The following HMGCS2 variants were observed in gnomAD, a reference collection of about 807,000 sequenced individuals.
HMGCS2 encodes hydroxymethylglutaryl-CoA synthase, mitochondrial.
HMGCS2 carries 50 observed loss-of-function variants against 57.4 expected under a neutral mutation model. The observed-to-expected ratio is 0.87, with a 90% confidence interval of 0.69 to 1.10. The LOEUF (loss-of-function observed/expected upper bound fraction) is 1.10, where lower values mean the gene tolerates loss of function less well. Ranked by LOEUF, HMGCS2 falls within the 50% of genes least tolerant of loss-of-function variation. The pLI, the probability that HMGCS2 is intolerant of heterozygous loss-of-function variation, is 0.00. For synonymous variants in HMGCS2, 254 were observed against 245.1 expected, an observed-to-expected ratio of 1.04 and a Z score of -0.34; for missense variants, 627 against 636.5, an observed-to-expected ratio of 0.99 and a Z score of 0.16.
chr1:119,765,541 T>C (rs1158430851), intron 1 of HMGCS2, among the ~76,000 whole-genome samples: 1 of 152,252 alleles, frequency 6.6e-6, no homozygotes, highest in Non-Finnish European at 1.5e-5. Context: ...TTAAAGATTA[T>C]AACATGCATA....
intron 2 of HMGCS2, among the ~76,000 whole-genome samples, chr1:119,761,363 A>G (rs1307875104): frequency 6.6e-6 from 1 of 152,048 alleles, no homozygotes; most frequent in African/African-American, 2.4e-5. Flanking sequence ...ATTATCTAAA[A>G]ATCAAAGCCT....
intron 2 of HMGCS2, among the ~76,000 whole-genome samples, chr1:119,762,471 A>T (rs1472496743): frequency 6.6e-6 from 1 of 151,388 alleles, no homozygotes; most frequent in Non-Finnish European, 1.5e-5. Context: ...ACAAGAAAAC[A>T]TGGGGACTCC....
chr1:119,750,768 T>C (rs200010260), intron 9 of HMGCS2, 29 bp downstream of exon 9: 1 of 1,418,912 alleles, frequency 7.0e-7, no homozygotes, highest in South Asian at 1.1e-5. Flanking sequence ...TAGGGTTTTA[T>C]GCCACCAACT....
chr1:119,750,839 T>C lies in HMGCS2; in HGVS notation c.1490A>G (p.Glu497Gly), dbSNP rs1486025242. ...PGTWYLERVD[E>G]QHRRKYARRP... The stretch of plus-strand genomic sequence containing the variant: ...CCGGGCATACTTTCGGCGATGCTGC[T>C]CGTCCACTCGCTCCAGGTACCAAGT... The change falls in exon 9 of 10, where the codon GAG becomes GGG. Residue 497 changes from glutamate (E) to glycine (G), a missense_variant. Glu to Gly is a moderately conservative substitution (Grantham distance 98, BLOSUM62 -2). Transcript: ENST00000369406. 5 of 1,613,954 alleles carry C rather than the reference T, an allele frequency of 3.1e-6. No homozygotes were observed. The highest frequency in any genetic ancestry group is 1.3e-5 in the African/African-American group (1 of 74,924).
chr1:119,752,055 T>A (rs988576409), intron 8 of HMGCS2, among the ~76,000 whole-genome samples: 2 of 152,214 alleles, frequency 1.3e-5, no homozygotes, highest in African/African-American at 4.8e-5. Context: ...GAGGGGACAG[T>A]AATATTTGTC....
intron 3 of HMGCS2, 31 bp from the exon 4 acceptor site, chr1:119,759,313 T>A: frequency 6.2e-7 from 1 of 1,606,018 alleles, no homozygotes; most frequent in South Asian, 1.1e-5. Context: ...TTTCAGAGAC[T>A]ACACAATGCA....
Position 119,755,447 on chromosome 1 carries a change from G to A in HMGCS2, c.1167C>T (p.Cys389=). The change falls in exon 6 of 10, where the codon TGC becomes TGT. Residue 389 remains cysteine (C), a synonymous_variant. Transcript: ENST00000369406. ...GNMYTSSLYG[C]LASLLSHHSA... ...CTCACTGGGACAGAAGCGAGGCCAGGCACCCGTACAGGGATGAGGTGTACA... is the reference window on the plus strand; with the variant it reads ...CTCACTGGGACAGAAGCGAGGCCAGACACCCGTACAGGGATGAGGTGTACA... 6.2e-7 allele frequency: 1 copy of A among 1,614,188 alleles called. No individual in the cohort carries two copies. Among genetic ancestry groups the A allele is most frequent in the Admixed American group, 1.7e-5 (1 of 60,022 alleles).
intron 4 of HMGCS2, among the ~76,000 whole-genome samples, 169 bp from the exon 5 acceptor site, chr1:119,757,607 G>A (rs768981001): frequency 2.4e-4 from 36 of 152,226 alleles, no homozygotes; most frequent in African/African-American, 7.9e-4. Flanking sequence ...CACTTACTAA[G>A]CAATCTCTAC....
At chr1:119,750,690 A>G (rs1652624818) in intron 9 of HMGCS2, 107 bp downstream of exon 9, 1 of 742,778 alleles carries the variant, frequency 1.3e-6, no homozygotes, top group East Asian at 2.7e-5. Flanking sequence ...ATCCTCTTCC[A>G]TTAAACTTTC....
At chr1:119,759,686 C>T (rs1007862423) in intron 3 of HMGCS2, among the ~76,000 whole-genome samples, 178 bp downstream of exon 3, 2 of 152,202 alleles carry the variant, frequency 1.3e-5, no homozygotes, top group African/African-American at 4.8e-5. Flanking sequence ...CTCGCGGATT[C>T]CCCTCTCCCA....
At chr1:119,760,993 G>A (rs772418929) in intron 2 of HMGCS2, among the ~76,000 whole-genome samples, 89 of 151,706 alleles carry the variant, frequency 5.9e-4, no homozygotes, top group South Asian at 1.0e-3. Context: ...TGAAATCCAG[G>A]GACCTTCTCT....
chr1:119,755,997 C>T (rs1355048726), intron 5 of HMGCS2, among the ~76,000 whole-genome samples: 2 of 152,156 alleles, frequency 1.3e-5, no homozygotes, highest in African/African-American at 4.8e-5. Flanking sequence ...AACCCATCTT[C>T]CTGCTCCTGT....
chr1:119,750,996 A>G, intron 8 of HMGCS2, 88 bp from the exon 9 acceptor site: 1 of 806,144 alleles, frequency 1.2e-6, no homozygotes, highest in South Asian at 1.4e-5. Context: ...CTGCCCCTTC[A>G]CAGTGAAGCT....
At chr1:119,765,953 A>T (rs1653212368) in intron 1 of HMGCS2, among the ~76,000 whole-genome samples, 1 of 152,228 alleles carries the variant, frequency 6.6e-6, no homozygotes. Flanking sequence ...AGAAGCAGAC[A>T]TTTTACAGCT....
chr1:119,759,093 A>G, intron 4 of HMGCS2, 25 bp downstream of exon 4: 3 of 1,613,566 alleles, frequency 1.9e-6, no homozygotes, highest in Non-Finnish European at 2.5e-6. Flanking sequence ...TAGAGCCCCC[A>G]CTTTCTGCCC....
chr1:119,754,930 T>G (rs1652785920), intron 6 of HMGCS2, among the ~76,000 whole-genome samples: 2 of 152,262 alleles, frequency 1.3e-5, no homozygotes, highest in Admixed American at 1.3e-4. Flanking sequence ...TGATACAGAC[T>G]GTAAATCTGC....
intron 2 of HMGCS2, 145 bp downstream of exon 2, chr1:119,764,027 A>G: frequency 1.4e-6 from 1 of 714,580 alleles, no homozygotes; most frequent in South Asian, 1.6e-5. Flanking sequence ...CTAAGTGGTT[A>G]TTGTGGGATG....
intron 9 of HMGCS2, among the ~76,000 whole-genome samples, chr1:119,749,885 A>C (rs1479756631): frequency 6.6e-6 from 1 of 152,052 alleles, no homozygotes; most frequent in Non-Finnish European, 1.5e-5. Context: ...TGTAAAATAA[A>C]TCTCTTCTCA....
intron 9 of HMGCS2, among the ~76,000 whole-genome samples, chr1:119,749,352 C>A (rs79296520): frequency 4.0e-5 from 6 of 151,524 alleles, no homozygotes; most frequent in East Asian, 1.9e-4. Context: ...TCTCTCTCCC[C>A]CTCCCGCTGA....
Sources: gnomAD v4.1 joint callset for allele counts (sites outside exome capture counted in the v4.1 genomes callset) on GRCh38, gnomAD v4.1.1 for gene constraint, MANE v1.5 for transcripts, NCBI Gene and HGNC (gene_info 2026-07-23, HGNC 2026-07-21) for gene names.